DTD1: variants seen among roughly 807,000 people sequenced by gnomAD.
DTD1 encodes the protein D-aminoacyl-tRNA deacylase 1.
DTD1 carries 13 observed loss-of-function variants against 25.6 expected under a neutral mutation model. The observed-to-expected ratio is 0.51, with a 90% CI of 0.33 to 0.81. The LOEUF (loss-of-function observed/expected upper bound fraction) is 0.81, where lower values mean the gene tolerates loss of function less well. Among genes scored for constraint, DTD1 ranks in the 30% least tolerant of loss-of-function variants. The pLI, the probability that DTD1 is intolerant of heterozygous loss-of-function variation, is 0.02. For synonymous variants in DTD1, 110 were observed against 103.6 expected, an observed-to-expected ratio of 1.06 and a Z score of -0.37; for missense variants, 193 against 266.4, an observed-to-expected ratio of 0.72 and a Z score of 1.92.
intron 4 of DTD1, among the ~76,000 whole-genome samples, chr20:18,727,136 A>T (rs1200852477): frequency 6.6e-6 from 1 of 152,184 alleles, no homozygotes; most frequent in Non-Finnish European, 1.5e-5. Context: ...GCGTGCCTGG[A>T]GGCCTGGGCA....
At chr20:18,762,114 A>T (rs546080949) in intron 5 of DTD1, among the ~76,000 whole-genome samples, 4 of 152,200 alleles carry the variant, frequency 2.6e-5, no homozygotes, top group Non-Finnish European at 5.9e-5. Flanking sequence ...CAGGGGAATG[A>T]GGGCTGTTAG....
At chr20:18,672,587 C>T (rs1393558749) in intron 4 of DTD1, among the ~76,000 whole-genome samples, 1 of 152,180 alleles carries the variant, frequency 6.6e-6, no homozygotes, top group African/African-American at 2.4e-5. Context: ...GATATCCTAA[C>T]TCAGTATTTT....
chr20:18,714,429 CT>C (rs1208739580), intron 4 of DTD1, among the ~76,000 whole-genome samples: 1 of 152,202 alleles, frequency 6.6e-6, no homozygotes, highest in Non-Finnish European at 1.5e-5. Flanking sequence ...GGATAATTCT[CT>C]TTTTCTTCAA....
rs979969010 is a variant in DTD1 at position 18,627,866 on chromosome 20, A to T, written c.371-261A>T. ...GAGATCTGATGGTTTTAAAAACGGG[A>T]GTTTCCCTGCACAAGCTCTCTCTCT... On this transcript the variant is annotated intron_variant, in intron 3 of 5. Coordinates refer to ENST00000377452, the MANE Select transcript of DTD1 (RefSeq NM_080820.6). Among the ~76,000 whole-genome samples the T allele has an allele frequency of 6.6e-5, 10 of 152,000 alleles. 1 individual carries two copies. Among genetic ancestry groups the T allele is most frequent in the African/African-American group, 1.9e-4 (8 of 41,368 alleles).
chr20:18,680,125 A>G (rs1344321376), intron 4 of DTD1, among the ~76,000 whole-genome samples: 1 of 152,114 alleles, frequency 6.6e-6, no homozygotes, highest in Non-Finnish European at 1.5e-5. Context: ...GCCAATCTAC[A>G]TTTCACATAT....
intron 3 of DTD1, among the ~76,000 whole-genome samples, chr20:18,621,622 G>C (rs1321222722): frequency 6.6e-6 from 1 of 151,896 alleles, no homozygotes; most frequent in Non-Finnish European, 1.5e-5. Context: ...AACAAATTAG[G>C]ACTTTAATAA....
At chr20:18,697,251 T>G (rs1436028988) in intron 4 of DTD1, among the ~76,000 whole-genome samples, 1 of 151,932 alleles carries the variant, frequency 6.6e-6, no homozygotes, top group Non-Finnish European at 1.5e-5. Context: ...AAAAAATTAT[T>G]TAAAGCAACA....
At chr20:18,736,631 G>T (rs901572270) in intron 4 of DTD1, among the ~76,000 whole-genome samples, 1 of 152,346 alleles carries the variant, frequency 6.6e-6, no homozygotes, top group Non-Finnish European at 1.5e-5. Context: ...GGCATATCAT[G>T]TACAGAAAAA....
intron 4 of DTD1, among the ~76,000 whole-genome samples, chr20:18,710,476 A>C (rs1405688920): frequency 1.3e-5 from 2 of 152,170 alleles, no homozygotes; most frequent in African/African-American, 2.4e-5. Flanking sequence ...ATTATCTCAG[A>C]GATTACTCTC....
intron 5 of DTD1, among the ~76,000 whole-genome samples, chr20:18,757,066 CTGTT>C (rs1179612343): frequency 4.0e-5 from 6 of 151,774 alleles, no homozygotes; most frequent in Admixed American, 6.6e-5. Context: ...ATTTGGCTCT[CTGTT>C]TGTCTGTTAT....
At chr20:18,693,127 C>T (rs957048529) in intron 4 of DTD1, among the ~76,000 whole-genome samples, 1 of 151,818 alleles carries the variant, frequency 6.6e-6, no homozygotes, top group Non-Finnish European at 1.5e-5. Context: ...TCCTGACCTC[C>T]AGTGATCCAC....
chr20:18,760,669 C>G (rs982642536), intron 5 of DTD1, among the ~76,000 whole-genome samples: 1 of 152,186 alleles, frequency 6.6e-6, no homozygotes, highest in African/African-American at 2.4e-5. Context: ...CCCAGTTAGG[C>G]TACTCAGGGG....
intron 4 of DTD1, among the ~76,000 whole-genome samples, chr20:18,708,240 AT>A (rs2061137497): frequency 5.2e-4 from 1 of 1,924 alleles, no homozygotes; most frequent in Non-Finnish European, 2.6e-3. Flanking sequence ...TTTTATATAT[AT>A]ATAATATATA....
In DTD1 at chr20:18,749,117, C is replaced by T. The variant is rs765407667; in HGVS notation, c.*19+4846C>T. Among the ~76,000 whole-genome samples, 6 of 152,156 alleles carry T rather than the reference C, an allele frequency of 3.9e-5. No individual in the cohort carries two copies. The highest frequency in any genetic ancestry group is 5.9e-5 in the Non-Finnish European group (4 of 68,028). On this transcript the variant is annotated intron_variant, in intron 5 of 5. Coordinates refer to ENST00000377452, the MANE Select transcript of DTD1 (RefSeq NM_080820.6). The surrounding 1 kb of genome is among the most constrained non-coding windows in gnomAD (Gnocchi z 4.2). ...AGCAGAGGGACAGATGGAGGGGAAG[C>T]TGAAGGCCCCTGGCATGTTCTGGCT...
rs76931022 is a variant in DTD1 at position 18,718,580 on chromosome 20, A to G, written c.478-25520A>G. Among the ~76,000 whole-genome samples, 1,335 of 152,374 alleles carry G rather than the reference A, an allele frequency of 8.8e-3. 14 individuals are homozygous for G. The highest frequency in any genetic ancestry group is 0.035 in the South Asian group (169 of 4,834). ...GTATATAATTGTGATAATGTGTACTATGCAATGCTATATAGATTATATAAG... is the reference window on the plus strand; with the variant it reads ...GTATATAATTGTGATAATGTGTACTGTGCAATGCTATATAGATTATATAAG... On this transcript the variant is annotated intron_variant, in intron 4 of 5. Coordinates refer to ENST00000377452, the MANE Select transcript of DTD1 (RefSeq NM_080820.6).
chr20:18,609,029 A>C (rs932433967), intron 3 of DTD1, among the ~76,000 whole-genome samples: 7 of 152,222 alleles, frequency 4.6e-5, no homozygotes, highest in Non-Finnish European at 2.9e-5. Flanking sequence ...ATTAGAAAAC[A>C]TAGCCTCCTT....
intron 4 of DTD1, among the ~76,000 whole-genome samples, chr20:18,666,590 C>G (rs1411360882): frequency 6.6e-6 from 1 of 152,128 alleles, no homozygotes; most frequent in Non-Finnish European, 1.5e-5. Flanking sequence ...TTAAATCTGG[C>G]AACCCTATTT....
chr20:18,628,213 GCTA>G lies in DTD1; in HGVS notation c.459_461del (p.Thr154del). The G allele has an allele frequency of 6.2e-7, 1 of 1,613,626 alleles. No homozygotes were observed. The highest frequency in any genetic ancestry group is 8.5e-7 in the Non-Finnish European group (1 of 1,179,664). On this transcript the variant is annotated inframe_deletion, in exon 4 of 6. Coordinates refer to ENST00000377452, the MANE Select transcript of DTD1 (RefSeq NM_080820.6). ...GCTGGAATCGCCAGCTCCCGGCACT[GCTA>G]CCTCTGACCCAAAGCAGGTAAGCCT...
In DTD1 at chr20:18,744,291, G is replaced by T. The variant is rs1451588966; in HGVS notation, c.*19+20G>T. 6.2e-7 allele frequency: 1 copy of T among 1,605,652 alleles called. No individual in the cohort carries two copies. Among genetic ancestry groups the T allele is most frequent in the African/African-American group, 1.3e-5 (1 of 74,572 alleles). On this transcript the variant is annotated intron_variant, in intron 5 of 5. Coordinates refer to ENST00000377452, the MANE Select transcript of DTD1 (RefSeq NM_080820.6). ...ATTCAGGTAGGAGTTTCCCTGCTTG[G>T]CTTCATCTTCCCACATTTTGGGGAA...
Sources: gnomAD v4.1 joint callset for allele counts (sites outside exome capture counted in the v4.1 genomes callset) on GRCh38, gnomAD v4.1.1 for gene constraint, Gnocchi (gnomAD v3.1) non-coding constraint, MANE v1.5 for transcripts, NCBI Gene and HGNC (gene_info 2026-07-23, HGNC 2026-07-21) for gene names.